The following NUBPL variants were observed in gnomAD, a reference collection of about 807,000 sequenced individuals.
NUBPL encodes the protein NUBP iron-sulfur cluster assembly factor, mitochondrial, also known as iron-sulfur cluster transfer protein NUBPL.
NUBPL carries 31 observed loss-of-function variants against 45.7 expected under a neutral mutation model. That is an observed-to-expected ratio of 0.68 (90% CI 0.51 to 0.92). NUBPL has a LOEUF of 0.92. Among genes scored for constraint, NUBPL ranks in the 40% least tolerant of loss-of-function variants. NUBPL has a pLI of 0.00. For missense variants in NUBPL, 401 were observed against 398.7 expected, an observed-to-expected ratio of 1.01 and a Z score of -0.05; for synonymous variants, 144 against 140.9, an observed-to-expected ratio of 1.02 and a Z score of -0.15.
intron 6 of NUBPL, among the ~76,000 whole-genome samples, chr14:31,722,786 GT>G (rs1566523775): frequency 1.3e-5 from 2 of 151,662 alleles, no homozygotes; most frequent in Non-Finnish European, 2.9e-5. Context: ...AATGGGGTTG[GT>G]TTTTTTTCTT....
intron 7 of NUBPL, among the ~76,000 whole-genome samples, chr14:31,800,232 C>G (rs974573445): frequency 6.6e-6 from 1 of 152,168 alleles, no homozygotes; most frequent in African/African-American, 2.4e-5. Context: ...CCCCAAAAGT[C>G]ATCTGTGAGG....
intron 4 of NUBPL, among the ~76,000 whole-genome samples, chr14:31,609,919 C>CTGT (rs2034705592): frequency 1.3e-5 from 2 of 151,878 alleles, no homozygotes; most frequent in African/African-American, 2.4e-5. Flanking sequence ...ACAACAAAAG[C>CTGT]TGTACTAAGA....
At chr14:31,758,710 A>G (rs905120895) in intron 6 of NUBPL, among the ~76,000 whole-genome samples, 1 of 152,182 alleles carries the variant, frequency 6.6e-6, no homozygotes, top group Non-Finnish European at 1.5e-5. Flanking sequence ...TGAGACCATA[A>G]AATTATAAGA....
intron 2 of NUBPL, among the ~76,000 whole-genome samples, chr14:31,563,901 A>G (rs1488697500): frequency 1.3e-5 from 2 of 152,186 alleles, no homozygotes; most frequent in African/African-American, 2.4e-5. Flanking sequence ...TTTACATGCA[A>G]TATTTCGTTT....
intron 4 of NUBPL, among the ~76,000 whole-genome samples, chr14:31,600,609 T>C (rs1478207767): frequency 1.3e-5 from 2 of 152,240 alleles, no homozygotes; most frequent in Non-Finnish European, 2.9e-5. Context: ...GAGGACCTGC[T>C]GTATAGTGAT....
intron 4 of NUBPL, among the ~76,000 whole-genome samples, chr14:31,648,285 G>T (rs908887852): frequency 2.0e-5 from 3 of 152,190 alleles, no homozygotes; most frequent in African/African-American, 7.2e-5. Context: ...TTAAAAGTAT[G>T]TATGATATAT....
intron 7 of NUBPL, among the ~76,000 whole-genome samples, chr14:31,802,743 A>T (rs1431508551): frequency 6.6e-6 from 1 of 152,180 alleles, no homozygotes; most frequent in Non-Finnish European, 1.5e-5. Context: ...AAGAAAATGA[A>T]ATAAGACAAT....
intron 8 of NUBPL, among the ~76,000 whole-genome samples, chr14:31,832,668 T>G (rs571037564): frequency 1.2e-4 from 19 of 152,332 alleles, no homozygotes; most frequent in Non-Finnish European, 2.5e-4. Context: ...GGTTTCAAAT[T>G]AAATTGCTTT....
chr14:31,625,822 T>G (rs1289398239), intron 4 of NUBPL, among the ~76,000 whole-genome samples: 1 of 152,068 alleles, frequency 6.6e-6, no homozygotes, highest in Non-Finnish European at 1.5e-5. Context: ...TGAAAAAATG[T>G]CAACACATTA....
At position 31,596,380 on chromosome 14, in the gene NUBPL, T is replaced by C. The variant is rs191684801; in HGVS notation, c.292-2909T>C. ...GCTGAGATGACTGGCCTGCGTGCTC[T>C]TGGTGCTAACAAAATTACATTGTTG... On this transcript the variant is annotated intron_variant, in intron 3 of 10. Coordinates refer to ENST00000281081, the MANE Select transcript of NUBPL (RefSeq NM_025152.3). 1.2e-4 allele frequency among the ~76,000 whole-genome samples: 18 copies of C among 152,350 alleles called. No individual in the cohort carries two copies. In the East Asian group the frequency reaches 2.1e-3, roughly 18 times the overall value.
chr14:31,746,977 A>G lies in NUBPL; in HGVS notation c.514-40803A>G, dbSNP rs902527320. On this transcript the variant is annotated intron_variant, in intron 6 of 10. Transcript: ENST00000281081. ...TCCAGCTACTTGAGGGGCTGAGGCC[A>G]GAGGATTGCCTGAGCTTAGGAGGCA... is the stretch of plus-strand genomic sequence containing the variant. Among the ~76,000 whole-genome samples the G allele has an allele frequency of 4.8e-4, 72 of 150,456 alleles. 2 individuals are homozygous for G. Among genetic ancestry groups the G allele is most frequent in the African/African-American group, 1.6e-3 (64 of 40,582 alleles).
intron 6 of NUBPL, among the ~76,000 whole-genome samples, chr14:31,745,745 G>C (rs1595572497): frequency 6.6e-6 from 1 of 151,882 alleles, no homozygotes; most frequent in Non-Finnish European, 1.5e-5. Flanking sequence ...TGAGGTCAGG[G>C]CATGGAAAAA....
chr14:31,740,932 A>G (rs1344014503), intron 6 of NUBPL, among the ~76,000 whole-genome samples: 1 of 152,136 alleles, frequency 6.6e-6, no homozygotes, highest in African/African-American at 2.4e-5. Context: ...GTTTATTTCT[A>G]TTGAAGCGTT....
intron 3 of NUBPL, among the ~76,000 whole-genome samples, chr14:31,591,212 G>A (rs996056455): frequency 1.3e-5 from 2 of 152,124 alleles, no homozygotes; most frequent in Admixed American, 6.6e-5. Context: ...ACCCAGGCTG[G>A]AATGCAATGG....
At chr14:31,735,163 C>T (rs2038138442) in intron 6 of NUBPL, among the ~76,000 whole-genome samples, 1 of 152,092 alleles carries the variant, frequency 6.6e-6, no homozygotes, top group Admixed American at 6.6e-5. Context: ...AGGGTGAGAC[C>T]AGAATTGCAA....
intron 4 of NUBPL, among the ~76,000 whole-genome samples, chr14:31,670,969 G>T (rs1466864985): frequency 6.6e-6 from 1 of 151,988 alleles, no homozygotes; most frequent in Non-Finnish European, 1.5e-5. Flanking sequence ...TTTTTTGGTT[G>T]CTTATGAATT....
At chr14:31,707,218 C>T (rs150948319) in intron 6 of NUBPL, among the ~76,000 whole-genome samples, 132 of 152,288 alleles carry the variant, frequency 8.7e-4, no homozygotes, top group African/African-American at 3.1e-3. Flanking sequence ...AGGAAGGCTA[C>T]GGATTGTCAG....
chr14:31,684,900 C>A (rs2036917824), intron 6 of NUBPL, among the ~76,000 whole-genome samples: 1 of 151,862 alleles, frequency 6.6e-6, no homozygotes, highest in Non-Finnish European at 1.5e-5. Flanking sequence ...GAATTGAGGA[C>A]TTCTCTTTGG....
chr14:31,713,326 TTTA>T (rs2139930370), intron 6 of NUBPL, among the ~76,000 whole-genome samples: 1 of 152,330 alleles, frequency 6.6e-6, no homozygotes, highest in South Asian at 2.1e-4. Context: ...TTTGAGTTCT[TTTA>T]TTAAGGCCAT....
Sources: allele counts gnomAD v4.1 joint callset (sites outside exome capture counted in the v4.1 genomes callset), GRCh38; gene constraint gnomAD v4.1.1; transcripts MANE v1.5; gene names NCBI Gene and HGNC (gene_info 2026-07-23, HGNC 2026-07-21).